The following IRF4 variants were observed in gnomAD, a reference collection of about 807,000 sequenced individuals.
IRF4 encodes the protein lymphocyte-specific interferon regulatory factor.
Under a neutral mutation model 55.5 loss-of-function variants are expected in IRF4, and 13 were observed. The ratio of observed to expected loss-of-function variants is 0.23; its 90% confidence interval spans 0.15 to 0.37. IRF4 has a LOEUF of 0.37. Among genes scored for constraint, IRF4 ranks in the 10% least tolerant of loss-of-function variants. The pLI, the probability that IRF4 is intolerant of heterozygous loss-of-function variation, is 1.00. For synonymous variants in IRF4, 249 were observed against 240.7 expected, an observed-to-expected ratio of 1.03 and a Z score of -0.32; for missense variants, 397 against 593.8, an observed-to-expected ratio of 0.67 and a Z score of 3.44.
chr6:394,233 G>A (rs1179174965), intron 2 of IRF4, among the ~76,000 whole-genome samples: 1 of 152,198 alleles, frequency 6.6e-6, no homozygotes, highest in East Asian at 1.9e-4. Flanking sequence ...TCCTAGGCAA[G>A]CTCACTCAGA....
In IRF4 at chr6:401,531, A is replaced by C; in HGVS notation, c.853A>C (p.Ser285Arg). ...RISHGHTYDA[S>R]NLDQVLFPYP... is the part of the protein sequence containing the mutation. ...CTCCCATGGACATACGTATGACGCC[A>C]GCAACCTGGACCAGGTCCTGTTCCC... Residue 285 changes from serine to arginine, a missense_variant, in exon 7 of 9, where the codon AGC (serine) becomes CGC (arginine). Ser to Arg is a moderately radical substitution (Grantham distance 110). Coordinates refer to ENST00000380956, the MANE Select transcript of IRF4 (RefSeq NM_002460.4). 2 of 1,614,110 alleles carry C rather than the reference A, an allele frequency of 1.2e-6. No individual in the cohort carries two copies. The highest frequency in any genetic ancestry group is 1.7e-6 in the Non-Finnish European group (2 of 1,180,032).
intron 7 of IRF4, among the ~76,000 whole-genome samples, chr6:403,314 A>G (rs1253830610): frequency 6.6e-6 from 1 of 152,198 alleles, no homozygotes; most frequent in East Asian, 1.9e-4. Flanking sequence ...GATCTGGAAG[A>G]GCTCACATGG....
intron 5 of IRF4, among the ~76,000 whole-genome samples, chr6:398,516 C>G (rs1398200170): frequency 6.6e-6 from 1 of 152,256 alleles, no homozygotes; most frequent in African/African-American, 2.4e-5. Context: ...GCTTTGTGAA[C>G]AAGGACAAAG....
Position 411,251 on chromosome 6 carries a change from G to A in IRF4, c.*3653G>A. On this transcript the variant is annotated 3_prime_UTR_variant, in exon 9 of 9. Coordinates refer to ENST00000380956, the MANE Select transcript of IRF4 (RefSeq NM_002460.4). Reference sequence around the variant, plus strand: ...GGACCCCAGAGGCCCCCAAATGAAAGCTTGAATTTCCCCTACTGGCTCTGC... The same window carrying A: ...GGACCCCAGAGGCCCCCAAATGAAAACTTGAATTTCCCCTACTGGCTCTGC... 8.7e-6 allele frequency: 2 copies of A among 229,346 alleles called. No individual in the cohort carries two copies. The highest frequency in any genetic ancestry group is 8.7e-6 in the Non-Finnish European group (1 of 115,428). 14.2% of individuals were successfully genotyped at this position (229,346 alleles called of 1,614,324 possible). A position where few individuals can be genotyped will look rare whatever the true frequency, so the allele number is the denominator to read the frequency against.
Position 410,829 on chromosome 6 carries a change from GTCCTC to G in IRF4, c.*3233_*3237del, listed in dbSNP as rs1395730584. 71 of 232,464 alleles carry G rather than the reference GTCCTC, an allele frequency of 3.1e-4. No homozygotes were observed. The highest frequency in any genetic ancestry group is 1.3e-3 in the African/African-American group (61 of 45,416). The allele number at this position is 232,464 out of a possible 1,614,324, so 14.4% of individuals were successfully genotyped here. ...TTATTTGTATTACGTATCTCCCCAAGTCCTCTGTGGCCAGCTGCATCTGTCTGAAT... is the reference window on the plus strand; with the variant it reads ...TTATTTGTATTACGTATCTCCCCAAGTGTGGCCAGCTGCATCTGTCTGAAT... On this transcript the variant is annotated 3_prime_UTR_variant, in exon 9 of 9. Coordinates refer to ENST00000380956, the MANE Select transcript of IRF4 (RefSeq NM_002460.4).
At position 398,860 on chromosome 6, in the gene IRF4, G is replaced by A. The variant is rs1561714266; in HGVS notation, c.670G>A (p.Ala224Thr). 1 of 1,613,706 alleles carries A rather than the reference G, an allele frequency of 6.2e-7. No individual in the cohort carries two copies. The highest frequency in any genetic ancestry group is 8.5e-7 in the Non-Finnish European group (1 of 1,179,834). ...GGTGACAGGAACCTTTTATGCTTGT[G>A]CCCCACCTGAGTCCCAGGCTCCCGG... ...CQVTGTFYACAPPESQAPGVP... is the reference protein window; with the variant it reads ...CQVTGTFYACTPPESQAPGVP... The change falls in exon 6 of 9, where the codon GCC becomes ACC. Residue 224 changes from alanine (A) to threonine (T), a missense_variant. Physicochemically the swap from Ala to Thr is moderately conservative, Grantham distance 58 (BLOSUM62 0). Coordinates refer to ENST00000380956, the MANE Select transcript of IRF4 (RefSeq NM_002460.4).
chr6:396,066 A>T, intron 4 of IRF4, 131 bp downstream of exon 4: 1 of 655,166 alleles, frequency 1.5e-6, no homozygotes, highest in Non-Finnish European at 2.6e-6. Flanking sequence ...GCCCAGAAAA[A>T]CCCCAGGTCA....
intron 5 of IRF4, 34 bp from the exon 6 acceptor site, chr6:398,794 C>A: frequency 6.5e-7 from 1 of 1,533,262 alleles, no homozygotes; most frequent in South Asian, 1.1e-5. Flanking sequence ...GACTCTCTGT[C>A]TAGACATCAT....
rs2671422 is a variant in IRF4, at chr6:398,775, G to A, written c.638-53G>A. The A allele has an allele frequency of 0.15, 205,238 of 1,345,942 alleles. 22,107 individuals are homozygous for A. The highest frequency in any genetic ancestry group is 0.51 in the East Asian group (21,768 of 42,394). The allele number at this position is 1,345,942 out of a possible 1,614,324, so 83.4% of individuals were successfully genotyped here. A position where few individuals can be genotyped will look rare whatever the true frequency, so the allele number is the denominator to read the frequency against. On this transcript the variant is annotated intron_variant, in intron 5 of 8. Coordinates refer to ENST00000380956, the MANE Select transcript of IRF4 (RefSeq NM_002460.4). ...ACACACACACCCCAGGAAGCCCCGC[G>A]GTGCGTCGGACTCTCTGTCTAGACA...
At chr6:392,410 G>T (rs1345600604) in intron 1 of IRF4, among the ~76,000 whole-genome samples, 1 of 152,236 alleles carries the variant, frequency 6.6e-6, no homozygotes, top group African/African-American at 2.4e-5. Context: ...CCCCGCCTCC[G>T]CTCTCCCGGG....
rs764206664 is a variant in IRF4, at chr6:410,812, A to G, written c.*3214A>G. ...GGGATTGGTTAAGGTCTTTATTTGTATTACGTATCTCCCCAAGTCCTCTGT... is the reference window on the plus strand; with the variant it reads ...GGGATTGGTTAAGGTCTTTATTTGTGTTACGTATCTCCCCAAGTCCTCTGT... On this transcript the variant is annotated 3_prime_UTR_variant, in exon 9 of 9. Transcript: ENST00000380956. 3.0e-5 allele frequency: 7 copies of G among 232,274 alleles called. No individual in the cohort carries two copies. The highest frequency in any genetic ancestry group is 4.4e-5 in the African/African-American group (2 of 45,282). The allele number at this position is 232,274 out of a possible 1,614,324, so 14.4% of individuals were successfully genotyped here.
At chr6:402,646 CAT>C (rs765894048) in intron 7 of IRF4, among the ~76,000 whole-genome samples, 8 of 152,246 alleles carry the variant, frequency 5.3e-5, no homozygotes, top group Non-Finnish European at 1.0e-4. Context: ...GCACTGTTGA[CAT>C]GTGCTCGTAC....
chr6:397,178 C>T lies in IRF4; in HGVS notation c.563C>T (p.Pro188Leu), dbSNP rs1469969945. The change falls in exon 5 of 9, where the codon CCG (proline) becomes CTG (leucine). Residue 188 changes from proline (P) to leucine (L), a missense_variant. Physicochemically the swap from Pro to Leu is moderately conservative, Grantham distance 98. Around this residue, in one of 3 missense-constraint regions of IRF4, gnomAD observed 341 missense variants for 548.1 expected, o/e 0.62. Coordinates refer to ENST00000380956, the MANE Select transcript of IRF4 (RefSeq NM_002460.4). ...WRDYVPDQPH[P>L]EIPYQCPMTF... ...GACTACGTCCCGGATCAGCCACACC[C>T]GGAAATCCCGTACCAATGTCCCATG... 4.3e-6 allele frequency: 7 copies of T among 1,614,158 alleles called. No individual in the cohort carries two copies. The highest frequency in any genetic ancestry group is 1.3e-5 in the African/African-American group (1 of 74,944).
chr6:395,700 G>T, intron 3 of IRF4, 147 bp from the exon 4 acceptor site: 1 of 652,092 alleles, frequency 1.5e-6, no homozygotes, highest in Admixed American at 2.8e-5. Flanking sequence ...AACTTCCCAA[G>T]GGAGTTGCTG....
rs1369318072 is a variant in IRF4, at chr6:393,110, C to T, written c.-43C>T. 8.6e-6 allele frequency: 13 copies of T among 1,519,624 alleles called. No individual in the cohort carries two copies. Among genetic ancestry groups the T allele is most frequent in the Non-Finnish European group, 1.2e-5 (13 of 1,124,414 alleles). The allele number at this position is 1,519,624 out of a possible 1,614,324, so 94.1% of individuals were successfully genotyped here. ...CTTCTCCCCGCAGTGCAGAGCAGAGCGGGCGGAGGACCCCGGGCGCGGGCG... is the reference window on the plus strand; with the variant it reads ...CTTCTCCCCGCAGTGCAGAGCAGAGTGGGCGGAGGACCCCGGGCGCGGGCG... On this transcript the variant is annotated 5_prime_UTR_variant, in exon 2 of 9. Coordinates refer to ENST00000380956, the MANE Select transcript of IRF4 (RefSeq NM_002460.4). The surrounding 1 kb of genome is among the most constrained non-coding windows in gnomAD (Gnocchi z 5.4).
At chr6:400,765 C>T (rs546118183) in intron 6 of IRF4, among the ~76,000 whole-genome samples, 82 of 143,874 alleles carry the variant, frequency 5.7e-4, no homozygotes, top group African/African-American at 2.1e-3. Flanking sequence ...AATTAAGCAC[C>T]TAATTCTATA....
chr6:402,943 A>AATC lies in IRF4; in HGVS notation c.1099+1167_1099+1169dup, dbSNP rs374944989. Among the ~76,000 whole-genome samples, 274 of 152,348 alleles carry AATC rather than the reference A, an allele frequency of 1.8e-3. 1 individual carries two copies. Among genetic ancestry groups the AATC allele is most frequent in the African/African-American group, 6.2e-3 (258 of 41,576 alleles). ...GCTACTCAGGAGGATGAGGCACAAG[A>AATC]ATCGCTTGAACCTGTGGGAGGCGGA... On this transcript the variant is annotated intron_variant, in intron 7 of 8. Transcript: ENST00000380956.
rs1414763257 is a variant in IRF4 at position 393,441 on chromosome 6, G to C, written c.216+73G>C. The stretch of plus-strand genomic sequence containing the variant: ...GACAGAGCCCGGGGTCCCCGGCGCC[G>C]CCTCCGAGGCGAGCCCAGGGGACCG... On this transcript the variant is annotated intron_variant, in intron 2 of 8. Coordinates refer to ENST00000380956, the MANE Select transcript of IRF4 (RefSeq NM_002460.4). This position sits in a 1 kb window ranked among gnomAD's most constrained non-coding sequence, Gnocchi z 5.4. The C allele has an allele frequency of 6.1e-6, 7 of 1,139,864 alleles. No homozygotes were observed. Among genetic ancestry groups the C allele is most frequent in the Non-Finnish European group, 7.0e-6 (6 of 855,218 alleles). The allele number at this position is 1,139,864 out of a possible 1,614,324, so 70.6% of individuals were successfully genotyped here.
At position 407,850 on chromosome 6, in the gene IRF4, C is replaced by G. The variant is rs765780529; in HGVS notation, c.*252C>G. 6 of 439,304 alleles carry G rather than the reference C, an allele frequency of 1.4e-5. No homozygotes were observed. The highest frequency in any genetic ancestry group is 2.4e-5 in the Non-Finnish European group (6 of 249,718). The allele number at this position is 439,304 out of a possible 1,614,324, so 27.2% of individuals were successfully genotyped here. The stretch of plus-strand genomic sequence containing the variant: ...AAATATTTGACTTTAGTGAAAGCGT[C>G]CAATTGACTGCCCTCTTACTGTTTT... On this transcript the variant is annotated 3_prime_UTR_variant, in exon 9 of 9. Coordinates refer to ENST00000380956, the MANE Select transcript of IRF4 (RefSeq NM_002460.4).
Sources: allele counts gnomAD v4.1 joint callset (sites outside exome capture counted in the v4.1 genomes callset), GRCh38; gene constraint gnomAD v4.1.1; regional missense constraint gnomAD v4.1.1; non-coding constraint Gnocchi (gnomAD v3.1); transcripts MANE v1.5; gene names NCBI Gene and HGNC (gene_info 2026-07-23, HGNC 2026-07-21).